The following ZBTB17 variants were observed in gnomAD, a reference collection of about 807,000 sequenced individuals.
ZBTB17 encodes the protein zinc finger and BTB domain containing 17.
ZBTB17 carries 24 observed loss-of-function variants against 85.1 expected under a neutral mutation model. The ratio of observed to expected loss-of-function variants is 0.28; its 90% CI spans 0.20 to 0.40. The LOEUF is 0.40. Among genes scored for constraint, ZBTB17 ranks in the 10% least tolerant of loss-of-function variants. ZBTB17 has a pLI of 1.00. For synonymous variants in ZBTB17, 464 were observed against 460.2 expected (o/e 1.01, Z -0.11); for missense variants, 743 against 1,105.1 (o/e 0.67, Z 4.65).
chr1:15,944,106 TCGGCCTGC>T (rs1197587839), intron 9 of ZBTB17, 186 bp downstream of exon 9: 1 of 1,031,386 alleles, frequency 9.7e-7, no homozygotes. Flanking sequence ...CCGCCCTGAG[TCGGCCTGC>T]CCTCCGCAGA....
chr1:15,948,225 G>C, intron 3 of ZBTB17, 66 bp downstream of exon 3: 1 of 1,593,282 alleles, frequency 6.3e-7, no homozygotes, highest in Non-Finnish European at 8.6e-7. Flanking sequence ...GGAGGGCCTA[G>C]CATGGCACAG....
At chr1:15,961,875 A>G (rs2072272502) in intron 2 of ZBTB17, among the ~76,000 whole-genome samples, 1 of 152,182 alleles carries the variant, frequency 6.6e-6, no homozygotes, top group Non-Finnish European at 1.5e-5. Flanking sequence ...TGGGGGTCCC[A>G]GTGGAGAAGT....
chr1:15,942,086 G>A lies in ZBTB17; in HGVS notation c.2295C>T (p.Ala765=), dbSNP rs1179363689. The change falls in exon 16 of 16, where the codon GCC becomes GCT. Residue 765 remains alanine, a synonymous_variant. Transcript: ENST00000375743. ...QQYGPGGTWP[A]GQVLQAGELV... is the part of the protein sequence containing the mutation. ...GCTCCCCAGCCTGCAGCACCTGCCC[G>A]GCAGGCCACGTGCCACCTGGCCCAT... 1.9e-6 allele frequency: 3 copies of A among 1,613,158 alleles called. No individual in the cohort carries two copies. Among genetic ancestry groups the A allele is most frequent in the East Asian group, 2.2e-5 (1 of 44,878 alleles).
chr1:15,968,405 G>C (rs1371148803), intron 2 of ZBTB17, among the ~76,000 whole-genome samples: 1 of 152,196 alleles, frequency 6.6e-6, no homozygotes, highest in Non-Finnish European at 1.5e-5. Flanking sequence ...GGATAAATAA[G>C]ACCCTGTCCT....
At chr1:15,971,561 CACACACACTAT>C (rs2072684781) in intron 2 of ZBTB17, among the ~76,000 whole-genome samples, 1 of 66,874 alleles carries the variant, frequency 1.5e-5, no homozygotes, top group Admixed American at 1.4e-4. Context: ...TATATATATA[CACACACACTAT>C]ATATATATAC....
chr1:15,975,645 TCGA>T lies in ZBTB17; in HGVS notation c.-90+335_-90+337del, dbSNP rs2072846340. Among the ~76,000 whole-genome samples the T allele has an allele frequency of 2.7e-5, 4 of 146,644 alleles. 1 individual carries two copies. In the South Asian group the frequency reaches 9.0e-4, roughly 33 times the overall value. On this transcript the variant is annotated intron_variant, in intron 1 of 15. Transcript: ENST00000375743. ...CCTCGCGGCCGCAGAACGCCCACCC[TCGA>T]CAGCGCGCGGGGTCAAGGGGCGGTG...
chr1:15,951,950 T>G lies in ZBTB17; in HGVS notation c.-2-3453A>C, dbSNP rs955208423. ...GCGGGAACACAGGGTGAAGAAATAC[T>G]GTTCCCACCAGGCAGCCTGCCCCAC... On this transcript the variant is annotated intron_variant, in intron 2 of 15. Transcript: ENST00000375743. The surrounding 1 kb of genome is among the most constrained non-coding windows in gnomAD (Gnocchi z 4.1). 3.9e-5 allele frequency among the ~76,000 whole-genome samples: 6 copies of G among 152,082 alleles called. No individual in the cohort carries two copies. The highest frequency in any genetic ancestry group is 7.2e-5 in the African/African-American group (3 of 41,398).
rs1293492961 is a variant in ZBTB17, at chr1:15,952,727, T to TG, written c.-2-4231dup. 6.6e-6 allele frequency among the ~76,000 whole-genome samples: 1 copy of TG among 152,220 alleles called. No individual in the cohort carries two copies. The highest frequency in any genetic ancestry group is 1.9e-4 in the East Asian group (1 of 5,194). ...GAGTGGGAGACACATGGAGGGGCTC[T>TG]GGGGAGAGGGCACATGGAGAAGAGC... On this transcript the variant is annotated intron_variant, in intron 2 of 15. Transcript: ENST00000375743. This position sits in a 1 kb window ranked among gnomAD's most constrained non-coding sequence, Gnocchi z 4.3.
chr1:15,944,274 G>C, intron 9 of ZBTB17, 26 bp downstream of exon 9: 1 of 1,548,758 alleles, frequency 6.5e-7, no homozygotes, highest in Non-Finnish European at 8.7e-7. Context: ...GCTGCCAGGC[G>C]CTGGTTCCGG....
At chr1:15,947,247 GC>G in intron 3 of ZBTB17, 124 bp from the exon 4 acceptor site, 1 of 992,834 alleles carries the variant, frequency 1.0e-6, no homozygotes, top group Non-Finnish European at 1.5e-6. Flanking sequence ...AGCCTGCATC[GC>G]CCCATCTCCT....
rs183508116 is a variant in ZBTB17, at chr1:15,960,512, C to G, written c.-2-12015G>C. Among the ~76,000 whole-genome samples, 977 of 152,310 alleles carry G rather than the reference C, an allele frequency of 6.4e-3. 8 individuals carry two copies. The highest frequency in any genetic ancestry group is 0.02 in the Middle Eastern group (6 of 294). On this transcript the variant is annotated intron_variant, in intron 2 of 15. Coordinates refer to ENST00000375743, the MANE Select transcript of ZBTB17 (RefSeq NM_003443.3). ...AAAAATCTCATCAGTAATCAGGGCA[C>G]CCATCAAGTTTCAACCTGAAAAAAG... is the stretch of plus-strand genomic sequence containing the variant.
In ZBTB17 at chr1:15,969,729, T is replaced by A. The variant is rs2072573152; in HGVS notation, c.-3+3310A>T. 8.2e-6 allele frequency: 4 copies of A among 485,444 alleles called. No homozygotes were observed. In the Admixed American group the frequency reaches 9.2e-5, roughly 11 times the overall value. 30.1% of individuals were successfully genotyped at this position (485,444 alleles called of 1,614,324 possible). A position where few individuals can be genotyped will look rare whatever the true frequency, so the allele number is the denominator to read the frequency against. On this transcript the variant is annotated intron_variant, in intron 2 of 15. Coordinates refer to ENST00000375743, the MANE Select transcript of ZBTB17 (RefSeq NM_003443.3). ...CAGACTGGCTCAACACCAGGGAGTC[T>A]GTGGGAGCACTCACTGTGGGCCTCA...
At chr1:15,956,681 A>G (rs1288852902) in intron 2 of ZBTB17, among the ~76,000 whole-genome samples, 1 of 152,250 alleles carries the variant, frequency 6.6e-6, no homozygotes, top group Non-Finnish European at 1.5e-5. Context: ...ATTAGGAAAC[A>G]GATACATAGA....
chr1:15,944,086 G>T, intron 9 of ZBTB17, 191 bp from the exon 10 acceptor site: 1 of 999,604 alleles, frequency 1.0e-6, no homozygotes. Context: ...CATTTTTTCA[G>T]GACCAAACCC....
chr1:15,973,795 T>C lies in ZBTB17; in HGVS notation c.-89-670A>G, dbSNP rs1371503048. ...ACTCTCTGCCTTTAACTCACACCTTTATTTCTCACTTGGATTATTCTAGCA... is the reference window on the plus strand; with the variant it reads ...ACTCTCTGCCTTTAACTCACACCTTCATTTCTCACTTGGATTATTCTAGCA... On this transcript the variant is annotated intron_variant, in intron 1 of 15. Transcript: ENST00000375743. The surrounding 1 kb of genome is among the most constrained non-coding windows in gnomAD (Gnocchi z 4.1). 6.6e-6 allele frequency among the ~76,000 whole-genome samples: 1 copy of C among 152,216 alleles called. No individual in the cohort carries two copies. Among genetic ancestry groups the C allele is most frequent in the Non-Finnish European group, 1.5e-5 (1 of 68,042 alleles).
At chr1:15,946,055 G>A (rs774040797) in intron 5 of ZBTB17, 99 bp downstream of exon 5, 4 of 1,583,856 alleles carry the variant, frequency 2.5e-6, no homozygotes, top group East Asian at 2.2e-5. Flanking sequence ...AGAGGTGCAG[G>A]TGCCCGTGCT....
chr1:15,947,035 G>A lies in ZBTB17; in HGVS notation c.294C>T (p.Phe98=). The part of the protein sequence containing the change: ...NVDDVLAVAT[F]LQMQDIITAC... ...CCGTGATGATGTCCTGCATTTGGAG[G>A]AAAGTGGCCACGGCCAGCACATCAT... The change falls in exon 4 of 16, where the codon TTC becomes TTT. Residue 98 remains phenylalanine, a synonymous_variant. Transcript: ENST00000375743. 2 of 1,614,114 alleles carry A rather than the reference G, an allele frequency of 1.2e-6. No homozygotes were observed. The highest frequency in any genetic ancestry group is 1.7e-6 in the Non-Finnish European group (2 of 1,180,020).
At chr1:15,943,551 C>T in intron 11 of ZBTB17, 32 bp from the exon 12 acceptor site, 2 of 1,611,798 alleles carry the variant, frequency 1.2e-6, no homozygotes, top group Non-Finnish European at 1.7e-6. Context: ...TTGGTGCCTG[C>T]TCCTCTCCGT....
At chr1:15,974,322 AT>A (rs1175562684) in intron 1 of ZBTB17, among the ~76,000 whole-genome samples, 5 of 137,018 alleles carry the variant, frequency 3.6e-5, no homozygotes, top group African/African-American at 8.1e-5. Flanking sequence ...ATGCCCGGCT[AT>A]TTTTTTTTTC....
Sources: gnomAD v4.1 joint callset for allele counts (sites outside exome capture counted in the v4.1 genomes callset) on GRCh38, gnomAD v4.1.1 for gene constraint, Gnocchi (gnomAD v3.1) non-coding constraint, MANE v1.5 for transcripts, NCBI Gene and HGNC (gene_info 2026-07-23, HGNC 2026-07-21) for gene names.